Variants in TM4SF19 observed in about 807,000 individuals in gnomAD.
TM4SF19 encodes the protein transmembrane 4 L6 family member 19.
TM4SF19 carries 17 observed loss-of-function variants against 21.8 expected under a neutral mutation model. The ratio of observed to expected loss-of-function variants is 0.78; its 90% CI spans 0.53 to 1.17. The LOEUF (loss-of-function observed/expected upper bound fraction) is 1.17, where lower values mean the gene tolerates loss of function less well. Among genes scored for constraint, TM4SF19 ranks in the 50% most tolerant of loss-of-function variants. The probability of loss-of-function intolerance (pLI) is 0.00; values close to 1 mark genes in which losing one functional copy is unlikely to be tolerated. For missense variants in TM4SF19, 216 were observed against 252.1 expected (o/e 0.86, Z 0.97); for synonymous variants, 107 against 106.7 (o/e 1.00, Z -0.02).
chr3:196,327,640 G>C (rs377222945), intron 1 of TM4SF19, 49 bp from the exon 2 acceptor site: 5 of 1,512,892 alleles, frequency 3.3e-6, no homozygotes, highest in African/African-American at 1.4e-5. Flanking sequence ...TGGGGGGATG[G>C]GGAAGGGAAC....
intron 1 of TM4SF19, among the ~76,000 whole-genome samples, chr3:196,329,196 G>A (rs1485370699): frequency 1.6e-5 from 2 of 126,254 alleles, no homozygotes; most frequent in Non-Finnish European, 3.5e-5. Flanking sequence ...CCTGTCTCGG[G>A]CTCCCAAAGT....
chr3:196,327,004 A>G lies in TM4SF19; in HGVS notation c.230T>C (p.Leu77Ser). Reference sequence around the variant, plus strand: ...GAAGCAGCCGTATCTCCAGCCCATCAAGGAGATGAGGATAGCTGCAGTGAG... The same window carrying G: ...GAAGCAGCCGTATCTCCAGCCCATCGAGGAGATGAGGATAGCTGCAGTGAG... The part of the protein sequence containing the change: ...MVLTAAILIS[L>S]MGWRYGCFSK... Residue 77 changes from leucine (L) to serine (S), a missense_variant, in exon 3 of 5, where the codon TTG (leucine) becomes TCG (serine). Leu to Ser is a moderately radical substitution (Grantham distance 145). Transcript: ENST00000273695. The G allele has an allele frequency of 6.2e-7, 1 of 1,611,582 alleles. No homozygotes were observed. The highest frequency in any genetic ancestry group is 1.3e-5 in the African/African-American group (1 of 74,998).
chr3:196,324,185 A>T lies in TM4SF19; in HGVS notation c.449+86T>A, dbSNP rs149684302. 256 of 1,523,658 alleles carry T rather than the reference A, an allele frequency of 1.7e-4. 1 individual carries two copies. The African/African-American group carries it at 2.9e-3, about 17-fold the overall frequency. The allele number at this position is 1,523,658 out of a possible 1,614,324, so 94.4% of individuals were successfully genotyped here. On this transcript the variant is annotated intron_variant, in intron 4 of 4. Coordinates refer to ENST00000273695, the MANE Select transcript of TM4SF19 (RefSeq NM_138461.4). ...CAAGATGCTAGGATGTGTGACCCAA[A>T]GGAGCTTGTAGTTCGTCTGTGTGTC...
chr3:196,334,043 A>T (rs1244439451), intron 1 of TM4SF19, among the ~76,000 whole-genome samples: 1 of 152,166 alleles, frequency 6.6e-6, no homozygotes, highest in African/African-American at 2.4e-5. Context: ...CCTGGACCAC[A>T]GATCGAGACT....
intron 1 of TM4SF19, among the ~76,000 whole-genome samples, chr3:196,331,296 T>C (rs771803276): frequency 5.4e-5 from 8 of 148,482 alleles, no homozygotes; most frequent in African/African-American, 1.5e-4. Flanking sequence ...TATATATATA[T>C]ACATATATAT....
rs771538182 is a variant in TM4SF19, at chr3:196,324,121, G to A, written c.450-124C>T. 1.4e-4 allele frequency: 193 copies of A among 1,429,338 alleles called. 2 individuals carry two copies. Among genetic ancestry groups the A allele is most frequent in the South Asian group, 6.6e-4 (55 of 83,808 alleles). 88.5% of individuals were successfully genotyped at this position (1,429,338 alleles called of 1,614,324 possible). On this transcript the variant is annotated intron_variant, in intron 4 of 4. Transcript: ENST00000273695. Reference sequence around the variant, plus strand: ...TGGGACTGGGCTCATGAGGGTGACCGTTACTGCTCCATTTGCAATTTTCTG... The same window carrying A: ...TGGGACTGGGCTCATGAGGGTGACCATTACTGCTCCATTTGCAATTTTCTG...
chr3:196,334,548 G>A (rs1031686072), intron 1 of TM4SF19, among the ~76,000 whole-genome samples: 3 of 151,762 alleles, frequency 2.0e-5, no homozygotes, highest in African/African-American at 7.3e-5. Context: ...CCGCCTCCCC[G>A]GTTCAAGCGA....
At position 196,332,632 on chromosome 3, in the gene TM4SF19, A is replaced by C. The variant is rs926726545; in HGVS notation, c.-1-5041T>G. Reference sequence around the variant, plus strand: ...GTACGTACACACACACACACACACAATAGTCCCCCATATCTGCAGGGGATA... The same window carrying C: ...GTACGTACACACACACACACACACACTAGTCCCCCATATCTGCAGGGGATA... On this transcript the variant is annotated intron_variant, in intron 1 of 4. Transcript: ENST00000273695. Among the ~76,000 whole-genome samples the C allele has an allele frequency of 4.0e-5, 6 of 151,508 alleles. No homozygotes were observed. The South Asian group carries it at 6.3e-4, about 16-fold the overall frequency.
rs765278543 is a variant in TM4SF19 at position 196,323,786 on chromosome 3, C to T, written c.*31G>A. Reference sequence around the variant, plus strand: ...GATTCAAGACAGCCGATGATGAAAACACCCATGCTTGCAAGTGAAGGTTCT... The same window carrying T: ...GATTCAAGACAGCCGATGATGAAAATACCCATGCTTGCAAGTGAAGGTTCT... On this transcript the variant is annotated 3_prime_UTR_variant, in exon 5 of 5. Transcript: ENST00000273695. 1.2e-6 allele frequency: 2 copies of T among 1,614,104 alleles called. No individual in the cohort carries two copies. The highest frequency in any genetic ancestry group is 4.5e-5 in the East Asian group (2 of 44,886).
intron 3 of TM4SF19, 77 bp downstream of exon 3, chr3:196,326,878 C>G: frequency 1.5e-6 from 2 of 1,337,010 alleles, no homozygotes; most frequent in Non-Finnish European, 2.1e-6. Context: ...ACCAAAATTG[C>G]CTCTTTACCG....
At chr3:196,324,536 G>T in intron 3 of TM4SF19, 96 bp from the exon 4 acceptor site, 2 of 1,338,760 alleles carry the variant, frequency 1.5e-6, no homozygotes, top group South Asian at 2.6e-5. Context: ...GGTCGCAGCT[G>T]GGGAGTCTGT....
At chr3:196,326,879 CTCTT>C in intron 3 of TM4SF19, 72 bp downstream of exon 3, 1 of 1,361,916 alleles carries the variant, frequency 7.3e-7, no homozygotes, top group African/African-American at 1.4e-5. Context: ...CCAAAATTGC[CTCTT>C]TACCGCCCTG....
In TM4SF19 at chr3:196,330,384, TA is replaced by T; in HGVS notation, c.-1-2794del. Among the ~76,000 whole-genome samples the T allele has an allele frequency of 2.0e-5, 3 of 152,304 alleles. No individual in the cohort carries two copies. In the East Asian group the frequency reaches 5.8e-4, roughly 29 times the overall value. ...ATTAATGTCACTGAATTATACACTTTAAAATGGTTAAAATGACAAATCTGAT... is the reference window on the plus strand; with the variant it reads ...ATTAATGTCACTGAATTATACACTTTAAATGGTTAAAATGACAAATCTGAT... On this transcript the variant is annotated intron_variant, in intron 1 of 4. Coordinates refer to ENST00000273695, the MANE Select transcript of TM4SF19 (RefSeq NM_138461.4).
chr3:196,331,679 C>T (rs543704469), intron 1 of TM4SF19, among the ~76,000 whole-genome samples: 5 of 151,898 alleles, frequency 3.3e-5, no homozygotes, highest in African/African-American at 4.8e-5. Flanking sequence ...CCCAGCTACT[C>T]GGAAGGCTGA....
intron 1 of TM4SF19, among the ~76,000 whole-genome samples, chr3:196,334,060 C>CA (rs562716987): frequency 0.075 from 10,382 of 138,958 alleles, 432 homozygotes; most frequent in Middle Eastern, 0.15. Flanking sequence ...GACTCCGTCT[C>CA]AAAAAAAAAA....
chr3:196,332,395 C>G (rs1289725735), intron 1 of TM4SF19, among the ~76,000 whole-genome samples: 1 of 117,946 alleles, frequency 8.5e-6, no homozygotes, highest in Non-Finnish European at 1.6e-5. Context: ...GCCTGGGTGA[C>G]AGAGCAAAAG....
intron 3 of TM4SF19, 94 bp from the exon 4 acceptor site, chr3:196,324,534 C>A: frequency 3.7e-6 from 5 of 1,342,812 alleles, no homozygotes; most frequent in Non-Finnish European, 5.2e-6. Context: ...GGGGTCGCAG[C>A]TGGGGAGTCT....
In TM4SF19 at chr3:196,327,450, C is replaced by G. The variant is rs1727338996; in HGVS notation, c.141G>C (p.Leu47Phe). ...TGGCATGCCTGCCAAGGAGGCCCCT[C>G]AACAGGTAGGTGACATCCCAGTTAG... ...LLPNWDVTYL[L>F]RGLLGRHAML... is the part of the protein sequence containing the mutation. The change falls in exon 2 of 5, where the codon TTG becomes TTC. Residue 47 changes from leucine (L) to phenylalanine (F), a missense_variant. Physicochemically the swap from Leu to Phe is conservative, Grantham distance 22. Transcript: ENST00000273695. The G allele has an allele frequency of 6.2e-7, 1 of 1,614,166 alleles. No homozygotes were observed. The highest frequency in any genetic ancestry group is 8.5e-7 in the Non-Finnish European group (1 of 1,180,036).
chr3:196,324,143 TC>T (rs1560200052), intron 4 of TM4SF19, 127 bp downstream of exon 4: 1 of 1,449,840 alleles, frequency 6.9e-7, no homozygotes, highest in Non-Finnish European at 9.6e-7. Flanking sequence ...TTTGCAATTT[TC>T]TGAGTATCAG....
Sources: allele counts gnomAD v4.1 joint callset (sites outside exome capture counted in the v4.1 genomes callset), GRCh38; gene constraint gnomAD v4.1.1; transcripts MANE v1.5; gene names NCBI Gene and HGNC (gene_info 2026-07-23, HGNC 2026-07-21).